KIF14: variants seen among roughly 807,000 people sequenced by gnomAD.
The protein encoded by KIF14 is kinesin family member 14, also known as kinesin-like protein KIF14.
Under a neutral mutation model 176.2 loss-of-function variants are expected in KIF14, and 98 were observed. The ratio of observed to expected loss-of-function variants is 0.56; its 90% CI spans 0.47 to 0.66. The LOEUF (loss-of-function observed/expected upper bound fraction) is 0.66. Ranked by LOEUF, KIF14 falls within the 30% of genes least tolerant of loss-of-function variation. The pLI, the probability that KIF14 is intolerant of heterozygous loss-of-function variation, is 0.00. For synonymous variants in KIF14, 566 were observed against 632.2 expected (o/e 0.90, Z 1.57); for missense variants, 1,751 against 1,920.4 (o/e 0.91, Z 1.65).
In KIF14 at chr1:200,559,372, T is replaced by G; in HGVS notation, c.4311A>C (p.Lys1437Asn). 1 of 1,592,938 alleles carries G rather than the reference T, an allele frequency of 6.3e-7. No homozygotes were observed. The highest frequency in any genetic ancestry group is 8.6e-7 in the Non-Finnish European group (1 of 1,169,250). ...ILLDSGLEKA[K>N]ELQHELFRQC... ...GCCTAAAGAGTTCATGCTGAAGTTC[T>G]TTTGCTTTTTCCAGTCCAGAATCTA... Residue 1437 changes from lysine (K) to asparagine (N), a missense_variant, in exon 27 of 30, where the codon AAA becomes AAC. Coordinates refer to ENST00000367350, the MANE Select transcript of KIF14 (RefSeq NM_014875.3).
At chr1:200,613,020 T>A (rs530440745) in intron 4 of KIF14, among the ~76,000 whole-genome samples, 100 of 151,330 alleles carry the variant, frequency 6.6e-4, no homozygotes, top group African/African-American at 2.4e-3. Flanking sequence ...CCCAAGTAGA[T>A]GGGATTACAG....
At chr1:200,564,624 GAA>G (rs957920854) in intron 25 of KIF14, among the ~76,000 whole-genome samples, 9 of 152,154 alleles carry the variant, frequency 5.9e-5, no homozygotes, top group African/African-American at 2.2e-4. Flanking sequence ...CATACCCAGA[GAA>G]AGACTCTGTC....
intron 21 of KIF14, among the ~76,000 whole-genome samples, chr1:200,577,556 G>T (rs1432202413): frequency 6.6e-6 from 1 of 151,984 alleles, no homozygotes; most frequent in African/African-American, 2.4e-5. Flanking sequence ...CAGCACTTTG[G>T]GAGGCCGAGG....
chr1:200,599,897 T>C (rs1333202892), intron 13 of KIF14, among the ~76,000 whole-genome samples, 153 bp downstream of exon 13: 1 of 152,248 alleles, frequency 6.6e-6, no homozygotes, highest in Admixed American at 6.5e-5. Flanking sequence ...AACATTTCTT[T>C]ATATTAATTT....
intron 18 of KIF14, among the ~76,000 whole-genome samples, chr1:200,588,248 G>GTTTT (rs201090107): frequency 3.0e-4 from 42 of 139,558 alleles, no homozygotes; most frequent in Admixed American, 8.5e-4. Flanking sequence ...TGTTTGTTTT[G>GTTTT]TTTTTTTTTT....
intron 14 of KIF14, among the ~76,000 whole-genome samples, chr1:200,595,023 C>A (rs1659257345): frequency 6.6e-6 from 1 of 152,152 alleles, no homozygotes; most frequent in South Asian, 2.1e-4. Context: ...ACCAACCTCC[C>A]TCATCTGCCA....
chr1:200,584,233 G>A (rs1001353996), intron 19 of KIF14, among the ~76,000 whole-genome samples: 2 of 114,904 alleles, frequency 1.7e-5, no homozygotes, highest in African/African-American at 6.0e-5. Context: ...AAAAAAAAAG[G>A]TCTCACAGGA....
Position 200,552,453 on chromosome 1 carries a change from T to C in KIF14, c.*935A>G, listed in dbSNP as rs893054724. On this transcript the variant is annotated 3_prime_UTR_variant, in exon 30 of 30. Transcript: ENST00000367350. ...CATTATCAAGAGAAGGTCCAGCCTC[T>C]GATCTCCTAATCTCATCCAACAGTT... 14 of 152,176 alleles carry C rather than the reference T, an allele frequency of 9.2e-5. No individual in the cohort carries two copies. Among genetic ancestry groups the C allele is most frequent in the African/African-American group, 3.1e-4 (13 of 41,462 alleles). The allele number at this position is 152,176 out of a possible 1,614,324, so 9.4% of individuals were successfully genotyped here.
intron 7 of KIF14, 99 bp downstream of exon 7, chr1:200,605,765 C>A (rs1659849395): frequency 1.4e-6 from 1 of 730,282 alleles, no homozygotes; most frequent in South Asian, 2.0e-5. Flanking sequence ...AGGAAACTAA[C>A]CTTTTATTTG....
chr1:200,608,753 A>G (rs990342732), intron 5 of KIF14, 77 bp downstream of exon 5: 8 of 848,652 alleles, frequency 9.4e-6, no homozygotes, highest in Non-Finnish European at 1.6e-5. Context: ...AAGCTATACC[A>G]TCCAGAGAAC....
intron 21 of KIF14, among the ~76,000 whole-genome samples, chr1:200,576,870 C>G (rs900567689): frequency 1.3e-5 from 2 of 151,926 alleles, no homozygotes; most frequent in African/African-American, 2.4e-5. Context: ...TCAAGTGATC[C>G]TCTCATCTCA....
In KIF14 at chr1:200,592,181, G is replaced by T. The variant is rs1294156704; in HGVS notation, c.2712C>A (p.Val904=). Residue 904 remains valine, a synonymous_variant, in exon 16 of 30, where the codon GTC becomes GTA. Transcript: ENST00000367350. ...HYFRFNHPVE[V]QKGKRPSGRD... Reference sequence around the variant, plus strand: ...TTCCAGATGGCCTTTTTCCTTTCTGGACTTCTACTGGATGATTAAATCTAA... The same window carrying T: ...TTCCAGATGGCCTTTTTCCTTTCTGTACTTCTACTGGATGATTAAATCTAA... 4 of 1,613,316 alleles carry T rather than the reference G, an allele frequency of 2.5e-6. No individual in the cohort carries two copies. Among genetic ancestry groups the T allele is most frequent in the Non-Finnish European group, 1.7e-6 (2 of 1,179,682 alleles).
At chr1:200,569,847 T>A in intron 23 of KIF14, 64 bp downstream of exon 23, 1 of 833,638 alleles carries the variant, frequency 1.2e-6, no homozygotes. Flanking sequence ...TAAGAAAAAA[T>A]GTAATGGTAG....
chr1:200,578,814 A>G (rs1443427035), intron 21 of KIF14, among the ~76,000 whole-genome samples: 1 of 152,214 alleles, frequency 6.6e-6, no homozygotes, highest in Non-Finnish European at 1.5e-5. Context: ...AAATTCAGCC[A>G]GGCGTGGTGG....
intron 21 of KIF14, among the ~76,000 whole-genome samples, chr1:200,576,577 C>T (rs16846928): frequency 0.22 from 34,095 of 151,772 alleles, 5,413 homozygotes; most frequent in African/African-American, 0.44. Flanking sequence ...CAAATGACCT[C>T]CATACTACTT....
intron 4 of KIF14, among the ~76,000 whole-genome samples, chr1:200,610,226 C>T (rs914645636): frequency 2.0e-5 from 3 of 152,076 alleles, no homozygotes; most frequent in Admixed American, 6.5e-5. Flanking sequence ...TTTGGCTGGG[C>T]GCGGTGGCTC....
intron 18 of KIF14, among the ~76,000 whole-genome samples, chr1:200,587,610 C>T (rs953978311): frequency 2.0e-5 from 3 of 152,030 alleles, no homozygotes; most frequent in Non-Finnish European, 2.9e-5. Flanking sequence ...GTCAAGAGTT[C>T]AAGACCAGCT....
intron 22 of KIF14, among the ~76,000 whole-genome samples, chr1:200,570,739 T>A (rs1045846775): frequency 6.6e-6 from 1 of 152,106 alleles, no homozygotes; most frequent in East Asian, 1.9e-4. Context: ...CGAGTTGGGA[T>A]TTATTTATTT....
At chr1:200,619,726 A>G (rs975362210) in intron 1 of KIF14, among the ~76,000 whole-genome samples, 2 of 152,258 alleles carry the variant, frequency 1.3e-5, no homozygotes, top group African/African-American at 4.8e-5. Flanking sequence ...ATTCCCAAGT[A>G]CCACAGGCAG....
Sources: allele counts gnomAD v4.1 joint callset (sites outside exome capture counted in the v4.1 genomes callset), GRCh38; gene constraint gnomAD v4.1.1; transcripts MANE v1.5; gene names NCBI Gene and HGNC (gene_info 2026-07-23, HGNC 2026-07-21).